The following CDH9 variants were observed in gnomAD, a reference collection of about 807,000 sequenced individuals.
The protein encoded by CDH9 is cadherin 9.
Under a neutral mutation model 70.9 loss-of-function variants are expected in CDH9, and 28 were observed. The observed-to-expected ratio is 0.40, with a 90% confidence interval of 0.29 to 0.54. The LOEUF is 0.54. Ranked by LOEUF, CDH9 falls within the 20% of genes least tolerant of loss-of-function variation. The pLI is 0.59. For synonymous variants in CDH9, 409 were observed against 343.1 expected, an observed-to-expected ratio of 1.19 and a Z score of -2.12; for missense variants, 874 against 984.4, an observed-to-expected ratio of 0.89 and a Z score of 1.50.
chr5:26,924,298 G>T (rs746480917), intron 2 of CDH9, among the ~76,000 whole-genome samples: 5 of 151,790 alleles, frequency 3.3e-5, no homozygotes, highest in Non-Finnish European at 5.9e-5. Flanking sequence ...AAACCTAGAA[G>T]AAATGAATAA....
At chr5:26,886,113 T>C in intron 9 of CDH9, 30 bp from the exon 10 acceptor site, 3 of 1,573,516 alleles carry the variant, frequency 1.9e-6, no homozygotes, top group Non-Finnish European at 2.6e-6. Context: ...ATTAATTAAT[T>C]AAGCCTAAGG....
At chr5:26,910,314 A>C (rs995249377) in intron 3 of CDH9, among the ~76,000 whole-genome samples, 5 of 152,090 alleles carry the variant, frequency 3.3e-5, no homozygotes. Context: ...TTTGTATACA[A>C]AGATTACTTA....
intron 2 of CDH9, among the ~76,000 whole-genome samples, chr5:26,949,792 A>T (rs1446485981): frequency 1.3e-5 from 2 of 152,208 alleles, no homozygotes; most frequent in African/African-American, 4.8e-5. Context: ...TCTCTTTTGT[A>T]GGAGACTTCC....
At chr5:26,965,037 T>C (rs1262792106) in intron 2 of CDH9, among the ~76,000 whole-genome samples, 1 of 152,148 alleles carries the variant, frequency 6.6e-6, no homozygotes, top group East Asian at 1.9e-4. Flanking sequence ...TGGTAAAAAC[T>C]TCCAACTACT....
intron 3 of CDH9, among the ~76,000 whole-genome samples, chr5:26,911,377 TGGA>T: frequency 1.3e-5 from 2 of 152,146 alleles, no homozygotes; most frequent in African/African-American, 4.8e-5. Flanking sequence ...GAAATACAAT[TGGA>T]TACATTATTG....
intron 11 of CDH9, among the ~76,000 whole-genome samples, chr5:26,882,281 T>C (rs1740480878): frequency 6.6e-6 from 1 of 152,044 alleles, no homozygotes; most frequent in Non-Finnish European, 1.5e-5. Flanking sequence ...CTTTAACTTA[T>C]CGTGCAAAAC....
chr5:27,013,236 T>A (rs1481337720), intron 1 of CDH9, among the ~76,000 whole-genome samples: 2 of 151,962 alleles, frequency 1.3e-5, no homozygotes, highest in Non-Finnish European at 2.9e-5. Flanking sequence ...TTTAAGGCAC[T>A]TTTTTAGTTT....
Position 26,890,562 on chromosome 5 carries a change from T to C in CDH9, c.1256A>G (p.Tyr419Cys). The C allele has an allele frequency of 2.5e-6, 4 of 1,602,920 alleles. No homozygotes were observed. The highest frequency in any genetic ancestry group is 3.4e-6 in the Non-Finnish European group (4 of 1,170,178). Residue 419 changes from tyrosine to cysteine, a missense_variant and splice_region_variant, in exon 8 of 12, where the codon TAC becomes TGC. Physicochemically the swap from Tyr to Cys is radical, Grantham distance 194 (BLOSUM62 -2). Transcript: ENST00000231021. ...CATATCAGTATGCCGATCAACAGAG[T>C]ACCTGGCAGAAGACAGACTCATAAA... is the stretch of plus-strand genomic sequence containing the variant. ...DPDARNNLIKYSVDRHTDMDR... is the reference protein window; with the variant it reads ...DPDARNNLIKCSVDRHTDMDR...
intron 9 of CDH9, among the ~76,000 whole-genome samples, chr5:26,886,782 G>A (rs1579662017): frequency 6.6e-6 from 1 of 152,104 alleles, no homozygotes; most frequent in Non-Finnish European, 1.5e-5. Flanking sequence ...AATAAGAAGT[G>A]TGTCCTAATG....
chr5:27,031,018 C>A (rs187235127), intron 1 of CDH9, among the ~76,000 whole-genome samples: 1 of 151,536 alleles, frequency 6.6e-6, no homozygotes, highest in African/African-American at 2.4e-5. Context: ...GGTTACAAAT[C>A]TACTTTTTTT....
At chr5:26,943,090 A>C (rs2112037631) in intron 2 of CDH9, among the ~76,000 whole-genome samples, 1 of 152,312 alleles carries the variant, frequency 6.6e-6, no homozygotes, top group South Asian at 2.1e-4. Flanking sequence ...CTAGCATAAA[A>C]TTTTGCCCAG....
intron 1 of CDH9, among the ~76,000 whole-genome samples, chr5:27,037,387 C>A (rs561443568): frequency 1.3e-5 from 2 of 152,036 alleles, no homozygotes; most frequent in African/African-American, 2.4e-5. Flanking sequence ...CTCCTCCAAT[C>A]TGTAGTCCAT....
intron 2 of CDH9, among the ~76,000 whole-genome samples, chr5:26,974,322 T>C (rs1165512549): frequency 6.7e-6 from 1 of 149,280 alleles, no homozygotes. Context: ...TGAAGACAAA[T>C]AACTAAAAGA....
At chr5:26,976,881 A>C (rs1313632233) in intron 2 of CDH9, among the ~76,000 whole-genome samples, 1 of 151,926 alleles carries the variant, frequency 6.6e-6, no homozygotes, top group Non-Finnish European at 1.5e-5. Flanking sequence ...AGTAAGCATA[A>C]AATATTTTGT....
At chr5:26,962,217 G>C (rs569687859) in intron 2 of CDH9, among the ~76,000 whole-genome samples, 1 of 152,002 alleles carries the variant, frequency 6.6e-6, no homozygotes, top group Non-Finnish European at 1.5e-5. Flanking sequence ...TCTTTATCCA[G>C]TCTATCATTG....
intron 1 of CDH9, among the ~76,000 whole-genome samples, chr5:26,996,454 G>A (rs1742666907): frequency 6.6e-6 from 1 of 151,894 alleles, no homozygotes; most frequent in Non-Finnish European, 1.5e-5. Context: ...AGATTCCTGT[G>A]ATTTTCCAAT....
chr5:26,916,192 A>C (rs1741146890), intron 2 of CDH9, among the ~76,000 whole-genome samples: 1 of 152,028 alleles, frequency 6.6e-6, no homozygotes, highest in Non-Finnish European at 1.5e-5. Flanking sequence ...GATATTTATG[A>C]ATAAAATGTT....
intron 2 of CDH9, among the ~76,000 whole-genome samples, chr5:26,929,164 T>C (rs1046592002): frequency 5.3e-5 from 8 of 151,944 alleles, no homozygotes; most frequent in African/African-American, 1.9e-4. Context: ...AGTATTCGAT[T>C]TAAAAATGGA....
chr5:26,926,837 A>G (rs1172123172), intron 2 of CDH9, among the ~76,000 whole-genome samples: 1 of 151,732 alleles, frequency 6.6e-6, no homozygotes, highest in African/African-American at 2.4e-5. Context: ...AAAAACAAGA[A>G]ATGGGGAAAG....
Sources: allele counts gnomAD v4.1 joint callset (sites outside exome capture counted in the v4.1 genomes callset), GRCh38; gene constraint gnomAD v4.1.1; transcripts MANE v1.5; gene names NCBI Gene and HGNC (gene_info 2026-07-23, HGNC 2026-07-21).